The following POM121 variants were observed in gnomAD, a reference collection of about 807,000 sequenced individuals.
The protein encoded by POM121 is nuclear envelope pore membrane protein POM 121.
A neutral mutation model predicts 81.3 loss-of-function variants in POM121; 32 were observed. The observed-to-expected ratio is 0.39, with a 90% CI of 0.30 to 0.53. The LOEUF (loss-of-function observed/expected upper bound fraction) is 0.53. POM121 is among the 20% of genes least tolerant of loss of function. The pLI is 0.66. For synonymous variants in POM121, 514 were observed against 694.2 expected (o/e 0.74, Z 4.08); for missense variants, 1,138 against 1,614.6 (o/e 0.70, Z 5.06).
At chr7:72,925,846 C>A in intron 1 of POM121, 81 bp downstream of exon 1, 1 of 1,242,630 alleles carries the variant, frequency 8.0e-7, no homozygotes, top group Non-Finnish European at 1.0e-6. Flanking sequence ...ATCCGATTTG[C>A]TTTTTCATCA....
chr7:72,910,895 C>G (rs1434272010), intron 3 of POM121, among the ~76,000 whole-genome samples: 3 of 152,100 alleles, frequency 2.0e-5, no homozygotes, highest in Non-Finnish European at 4.4e-5. Context: ...AACCATCAAA[C>G]CACCCCAGGA....
intron 3 of POM121, among the ~76,000 whole-genome samples, chr7:72,909,922 C>T (rs1240725816): frequency 6.6e-6 from 1 of 152,230 alleles, no homozygotes; most frequent in African/African-American, 2.4e-5. Context: ...GTTGGGATTA[C>T]AGGCATGAGC....
At chr7:72,941,368 C>T (rs1392779256) in intron 10 of POM121, among the ~76,000 whole-genome samples, 2 of 150,958 alleles carry the variant, frequency 1.3e-5, no homozygotes, top group African/African-American at 2.4e-5. Flanking sequence ...CCCTCCAGCA[C>T]TTCGAGGGCT....
intron 3 of POM121, among the ~76,000 whole-genome samples, chr7:72,909,604 C>T (rs1433079762): frequency 6.6e-6 from 1 of 152,174 alleles, no homozygotes; most frequent in African/African-American, 2.4e-5. Context: ...TTTTGCAGAG[C>T]TCTTCTGGCC....
rs1433859406 is a variant in POM121 at position 72,926,805 on chromosome 7, A to C, written c.864A>C (p.Pro288=). The C allele has an allele frequency of 6.2e-7, 1 of 1,613,694 alleles. No homozygotes were observed. The highest frequency in any genetic ancestry group is 1.3e-5 in the African/African-American group (1 of 74,892). Residue 288 remains proline (P), a synonymous_variant, in exon 3 of 13, where the codon CCA becomes CCC. Transcript: ENST00000434423. ...AGAATCTTGTCTTTCATTGTAGACC[A>C]GAGCAGATAATCAGCTCAACACTGT... The part of the protein sequence containing the change: ...PDRRFSRSAI[P]EQIISSTLSS...
intron 5 of POM121, among the ~76,000 whole-genome samples, chr7:72,930,584 C>T (rs1180816468): frequency 1.3e-5 from 2 of 152,132 alleles, no homozygotes; most frequent in African/African-American, 2.4e-5. Flanking sequence ...ATCTTATAGG[C>T]GTTTAGAATT....
chr7:72,930,261 C>T, intron 5 of POM121, 150 bp downstream of exon 5: 2 of 1,209,076 alleles, frequency 1.7e-6, no homozygotes, highest in Non-Finnish European at 2.2e-6. Flanking sequence ...TCAAAACCAG[C>T]CTGGGCAATA....
chr7:72,949,479 G>A (rs1554504310), downstream of POM121: 3 of 1,574,774 alleles, frequency 1.9e-6, no homozygotes, highest in East Asian at 2.2e-5. Context: ...CCAGGTCAAA[G>A]GCAAAGATCT....
At chr7:72,928,945 C>G (rs555592249) in intron 4 of POM121, among the ~76,000 whole-genome samples, 1 of 152,184 alleles carries the variant, frequency 6.6e-6, no homozygotes, top group Non-Finnish European at 1.5e-5. Context: ...CTGGTCTGTG[C>G]TGTTAGAAGA....
At chr7:72,934,238 C>G (rs1229705469) in intron 5 of POM121, among the ~76,000 whole-genome samples, 2 of 151,476 alleles carry the variant, frequency 1.3e-5, no homozygotes, top group Non-Finnish European at 3.0e-5. Flanking sequence ...GCACCCACCA[C>G]CATGCCCGGC....
chr7:72,915,167 T>G (rs1333151000), intron 4 of POM121, among the ~76,000 whole-genome samples: 1 of 152,174 alleles, frequency 6.6e-6, no homozygotes, highest in African/African-American at 2.4e-5. Context: ...AATGTTAGAT[T>G]GTTGGGGTTA....
intron 3 of POM121, among the ~76,000 whole-genome samples, chr7:72,896,863 A>G (rs1295169666): frequency 6.6e-6 from 1 of 152,288 alleles, no homozygotes; most frequent in Non-Finnish European, 1.5e-5. Flanking sequence ...GGAATAAGAC[A>G]GTGAACTGAA....
chr7:72,882,620 G>A (rs1244193567), intron 1 of POM121, among the ~76,000 whole-genome samples: 1 of 152,078 alleles, frequency 6.6e-6, no homozygotes, highest in Non-Finnish European at 1.5e-5. Context: ...CGGAAATATC[G>A]TGATCCAAGT....
intron 3 of POM121, among the ~76,000 whole-genome samples, chr7:72,909,419 G>A (rs1793589127): frequency 6.6e-6 from 1 of 152,130 alleles, no homozygotes; most frequent in Admixed American, 6.6e-5. Context: ...CTGGTTCTTA[G>A]TATGAGGAAT....
chr7:72,908,509 G>A (rs1554493785), intron 3 of POM121, among the ~76,000 whole-genome samples: 1 of 152,178 alleles, frequency 6.6e-6, no homozygotes, highest in Non-Finnish European at 1.5e-5. Flanking sequence ...CATTGTCATT[G>A]ATAACATCAG....
chr7:72,888,747 C>T (rs1268723116), intron 1 of POM121, among the ~76,000 whole-genome samples: 1 of 151,506 alleles, frequency 6.6e-6, no homozygotes, highest in Non-Finnish European at 1.5e-5. Flanking sequence ...AATTGAAATA[C>T]ATATGTCACA....
chr7:72,946,439 G>C lies in POM121; in HGVS notation c.*205G>C, dbSNP rs2129581143. 7.1e-7 allele frequency: 1 copy of C among 1,409,504 alleles called. No homozygotes were observed. Among genetic ancestry groups the C allele is most frequent in the Non-Finnish European group, 9.3e-7 (1 of 1,079,228 alleles). The allele number at this position is 1,409,504 out of a possible 1,614,324, so 87.3% of individuals were successfully genotyped here. A position where few individuals can be genotyped will look rare whatever the true frequency, so the allele number is the denominator to read the frequency against. On this transcript the variant is annotated 3_prime_UTR_variant, in exon 13 of 13. Transcript: ENST00000434423. ...CTCAGGGAAGGGGAAGCAGGATGCG[G>C]AGGGCCAAAGCCCGGGACCTCTACT... is the stretch of plus-strand genomic sequence containing the variant.
At chr7:72,905,956 A>C (rs1425717967) in intron 3 of POM121, among the ~76,000 whole-genome samples, 1 of 151,930 alleles carries the variant, frequency 6.6e-6, no homozygotes, top group Non-Finnish European at 1.5e-5. Flanking sequence ...TTGCATTTTA[A>C]GTGTTACAAT....
intron 3 of POM121, among the ~76,000 whole-genome samples, chr7:72,902,873 G>C (rs1173142241): frequency 1.3e-5 from 2 of 152,110 alleles, no homozygotes; most frequent in Admixed American, 6.5e-5. Context: ...TCTGCATTTT[G>C]TTGAGACATT....
Sources: allele counts gnomAD v4.1 joint callset (sites outside exome capture counted in the v4.1 genomes callset), GRCh38; gene constraint gnomAD v4.1.1; transcripts MANE v1.5; gene names NCBI Gene and HGNC (gene_info 2026-07-23, HGNC 2026-07-21).